KMT2C: variants seen among roughly 807,000 people sequenced by gnomAD.
KMT2C encodes histone-lysine N-methyltransferase 2C.
In KMT2C, 88 loss-of-function variants were observed where a neutral mutation model predicts 507.9. The ratio of observed to expected loss-of-function variants is 0.17; its 90% CI spans 0.15 to 0.21. KMT2C has a LOEUF of 0.21. Ranked by LOEUF, KMT2C falls within the 10% of genes least tolerant of loss-of-function variation. KMT2C has a pLI of 1.00. For missense variants in KMT2C, 4,954 were observed against 5,957.8 expected (o/e 0.83, Z 5.55); for synonymous variants, 2,049 against 2,080.8 (o/e 0.98, Z 0.42).
rs1473333064 is a variant in KMT2C, at chr7:152,176,959, T to C, written c.8494A>G (p.Lys2832Glu). ...VKTEVLSPNSKVESKCETEKN... is the reference protein window; with the variant it reads ...VKTEVLSPNSEVESKCETEKN... ...TCAGTTTCACATTTGGATTCCACCT[T>C]AGAATTTGGAGACAGTACTTCCGTT... The change falls in exon 38 of 59, where the codon AAG (lysine) becomes GAG (glutamate). Residue 2832 changes from lysine (K) to glutamate (E), a missense_variant. Lys to Glu is a moderately conservative substitution (Grantham distance 56, BLOSUM62 1). Coordinates refer to ENST00000262189, the MANE Select transcript of KMT2C (RefSeq NM_170606.3). 2 of 1,614,056 alleles carry C rather than the reference T, an allele frequency of 1.2e-6. No homozygotes were observed. Among genetic ancestry groups the C allele is most frequent in the African/African-American group, 2.7e-5 (2 of 74,928 alleles).
At chr7:152,387,469 ATTTTTTTTTT>A (rs34278604) in intron 1 of KMT2C, among the ~76,000 whole-genome samples, 1 of 115,720 alleles carries the variant, frequency 8.6e-6, no homozygotes, top group Admixed American at 9.0e-5. Context: ...GTATAATTCC[ATTTTTTTTTT>A]TTTTTTTTTG....
At chr7:152,333,028 C>T (rs1415391676) in intron 2 of KMT2C, among the ~76,000 whole-genome samples, 2 of 152,172 alleles carry the variant, frequency 1.3e-5, no homozygotes, top group Non-Finnish European at 2.9e-5. Context: ...AAATGATCTT[C>T]TATCTTTTAT....
chr7:152,199,425 C>T lies in KMT2C; in HGVS notation c.4127G>A (p.Ser1376Asn). The T allele has an allele frequency of 1.3e-6, 2 of 1,574,792 alleles. No homozygotes were observed. Among genetic ancestry groups the T allele is most frequent in the African/African-American group, 2.8e-5 (2 of 72,254 alleles). ...AFFGKDLLDTSRQSKISLDNL... is the reference protein window; with the variant it reads ...AFFGKDLLDTNRQSKISLDNL... ...ATCTAAACTTATCTTGCTTTGTCTA[C>T]TTGTATCTAGAAGATCTTTTCCAAA... is the stretch of plus-strand genomic sequence containing the variant. The change falls in exon 27 of 59, where the codon AGT becomes AAT. Residue 1376 changes from serine (S) to asparagine (N), a missense_variant. Physicochemically the swap from Ser to Asn is conservative, Grantham distance 46. Coordinates refer to ENST00000262189, the MANE Select transcript of KMT2C (RefSeq NM_170606.3).
chr7:152,181,226 G>A lies in KMT2C; in HGVS notation c.6634C>T (p.Pro2212Ser), dbSNP rs587778497. 2 of 1,614,124 alleles carry A rather than the reference G, an allele frequency of 1.2e-6. No homozygotes were observed. The highest frequency in any genetic ancestry group is 1.1e-5 in the South Asian group (1 of 91,074). ...PYAHPPGTPRPGISVPYSQPP... is the reference protein window; with the variant it reads ...PYAHPPGTPRSGISVPYSQPP... ...TGAGAGTAAGGGACAGAAATTCCAG[G>A]TCTTGGTGTTCCAGGAGGATGAGCA... is the stretch of plus-strand genomic sequence containing the variant. Residue 2212 changes from proline (P) to serine (S), a missense_variant, in exon 36 of 59, where the codon CCT becomes TCT. Physicochemically the swap from Pro to Ser is moderately conservative, Grantham distance 74. Around this residue, in one of 29 missense-constraint regions of KMT2C, gnomAD observed 1,689 missense variants for 1,654.3 expected, o/e 1.02. Coordinates refer to ENST00000262189, the MANE Select transcript of KMT2C (RefSeq NM_170606.3).
intron 2 of KMT2C, among the ~76,000 whole-genome samples, chr7:152,343,257 C>A (rs1489764282): frequency 6.6e-6 from 1 of 151,862 alleles, no homozygotes; most frequent in East Asian, 1.9e-4. Flanking sequence ...TGCAAGAAGA[C>A]GTGGGCAATG....
intron 44 of KMT2C, among the ~76,000 whole-genome samples, chr7:152,158,318 A>G (rs1386106564): frequency 1.3e-5 from 2 of 152,208 alleles, no homozygotes; most frequent in African/African-American, 4.8e-5. Context: ...TACTGAGGAC[A>G]GATTTTTTTC....
At chr7:152,287,269 C>T (rs2096316393) in intron 6 of KMT2C, among the ~76,000 whole-genome samples, 1 of 152,228 alleles carries the variant, frequency 6.6e-6, no homozygotes, top group Non-Finnish European at 1.5e-5. Context: ...CCAGTGATAA[C>T]TTAACCACCC....
chr7:152,178,491 G>A (rs1796533706), intron 37 of KMT2C, among the ~76,000 whole-genome samples: 1 of 152,152 alleles, frequency 6.6e-6, no homozygotes, highest in Admixed American at 6.6e-5. Context: ...TTGATGATGG[G>A]ATAGAATAAA....
At chr7:152,174,948 A>G (rs1425635970) in intron 38 of KMT2C, among the ~76,000 whole-genome samples, 2 of 152,234 alleles carry the variant, frequency 1.3e-5, no homozygotes, top group Non-Finnish European at 2.9e-5. Context: ...GACAGTAAGA[A>G]GCTTTATTTC....
At position 152,435,818 on chromosome 7, in the gene KMT2C, G is replaced by A. The variant is rs1164125822; in HGVS notation, c.-32C>T. ...CACCAGGAAAGACACATGGATCCCG[G>A]TCCTCCTCCTGGGGGGCTCCCGCCG... On this transcript the variant is annotated 5_prime_UTR_variant, in exon 1 of 59. Coordinates refer to ENST00000262189, the MANE Select transcript of KMT2C (RefSeq NM_170606.3). The A allele has an allele frequency of 6.0e-6, 8 of 1,329,556 alleles. No homozygotes were observed. The African/African-American group carries it at 1.1e-4, about 18-fold the overall frequency. The allele number at this position is 1,329,556 out of a possible 1,614,324, so 82.4% of individuals were successfully genotyped here. A position where few individuals can be genotyped will look rare whatever the true frequency, so the allele number is the denominator to read the frequency against.
At chr7:152,368,318 A>G (rs996735598) in intron 1 of KMT2C, 16 of 1,196,386 alleles carry the variant, frequency 1.3e-5, no homozygotes, top group Non-Finnish European at 2.0e-5. Flanking sequence ...AATGGAGTTG[A>G]TAACAACAAG....
intron 2 of KMT2C, among the ~76,000 whole-genome samples, chr7:152,348,568 C>T (rs1389092370): frequency 7.3e-6 from 1 of 136,446 alleles, no homozygotes; most frequent in Non-Finnish European, 1.5e-5. Flanking sequence ...CATTGTACTC[C>T]AGCCTGGGCA....
At chr7:152,328,118 A>G (rs938875541) in intron 3 of KMT2C, among the ~76,000 whole-genome samples, 1 of 152,182 alleles carries the variant, frequency 6.6e-6, no homozygotes, top group Non-Finnish European at 1.5e-5. Flanking sequence ...TTGGAAAATA[A>G]TAAGTGCCAC....
At chr7:152,284,982 T>A (rs1002978408) in intron 6 of KMT2C, among the ~76,000 whole-genome samples, 9 of 152,132 alleles carry the variant, frequency 5.9e-5, no homozygotes, top group African/African-American at 1.9e-4. Flanking sequence ...TACAGACACT[T>A]AAGAAACTGT....
intron 1 of KMT2C, among the ~76,000 whole-genome samples, chr7:152,411,453 C>T (rs79105197): frequency 6.7e-6 from 1 of 150,070 alleles, no homozygotes; most frequent in African/African-American, 2.4e-5. Flanking sequence ...TCTGACCCCC[C>T]ACCCCCTCAA....
chr7:152,223,226 TACA>T (rs2094828550), intron 20 of KMT2C, among the ~76,000 whole-genome samples: 1 of 152,076 alleles, frequency 6.6e-6, no homozygotes, highest in Non-Finnish European at 1.5e-5. Flanking sequence ...TTCTAAAGAG[TACA>T]ACAATATACC....
At chr7:152,146,939 G>C (rs1250675569) in intron 52 of KMT2C, among the ~76,000 whole-genome samples, 1 of 151,812 alleles carries the variant, frequency 6.6e-6, no homozygotes, top group African/African-American at 2.4e-5. Flanking sequence ...CTAAATTTTG[G>C]GGAAAATAAT....
At position 152,149,009 on chromosome 7, in the gene KMT2C, G is replaced by A. The variant is rs749483381; in HGVS notation, c.12918C>T (p.Pro4306=). Residue 4306 remains proline, a synonymous_variant, in exon 52 of 59, where the codon CCC becomes CCT. Coordinates refer to ENST00000262189, the MANE Select transcript of KMT2C (RefSeq NM_170606.3). ...PEKASPPASP[P]IAFPPAFEAA... is the part of the protein sequence containing the mutation. Reference sequence around the variant, plus strand: ...CTTCAAAAGCAGGAGGGAAGGCGATGGGTGGTGAGGCAGGGGGAGAAGCTT... The same window carrying A: ...CTTCAAAAGCAGGAGGGAAGGCGATAGGTGGTGAGGCAGGGGGAGAAGCTT... 1 of 1,556,026 alleles carries A rather than the reference G, an allele frequency of 6.4e-7. No homozygotes were observed. The highest frequency in any genetic ancestry group is 1.3e-5 in the South Asian group (1 of 79,024).
chr7:152,211,967 G>A (rs1404252537), intron 23 of KMT2C, among the ~76,000 whole-genome samples: 1 of 152,182 alleles, frequency 6.6e-6, no homozygotes. Context: ...AGAATGGCAC[G>A]AACCTGGGAG....
Sources: allele counts gnomAD v4.1 joint callset (sites outside exome capture counted in the v4.1 genomes callset), GRCh38; gene constraint gnomAD v4.1.1; regional missense constraint gnomAD v4.1.1; transcripts MANE v1.5; gene names NCBI Gene and HGNC (gene_info 2026-07-23, HGNC 2026-07-21).